ARHGAP42: variants seen among roughly 807,000 people sequenced by gnomAD.
ARHGAP42 encodes the protein Rho GTPase activating protein 42.
A neutral mutation model predicts 125.0 loss-of-function variants in ARHGAP42; 63 were observed. The ratio of observed to expected loss-of-function variants is 0.50; its 90% confidence interval spans 0.41 to 0.62. The LOEUF is 0.62. ARHGAP42 is among the 20% of genes least tolerant of loss of function. ARHGAP42 has a pLI of 0.00. For synonymous variants in ARHGAP42, 339 were observed against 351.0 expected (o/e 0.97, Z 0.38); for missense variants, 766 against 1,024.2 (o/e 0.75, Z 3.44).
intron 4 of ARHGAP42, among the ~76,000 whole-genome samples, chr11:100,882,731 CT>C (rs1209616905): frequency 1.3e-5 from 2 of 151,566 alleles, no homozygotes; most frequent in African/African-American, 4.8e-5. Context: ...TGGTCCTGGA[CT>C]TTTTTTTGTT....
chr11:100,747,741 A>C (rs1862337657), intron 1 of ARHGAP42, among the ~76,000 whole-genome samples: 1 of 152,210 alleles, frequency 6.6e-6, no homozygotes, highest in Non-Finnish European at 1.5e-5. Flanking sequence ...CACACCTTGC[A>C]CATAAACTGT....
chr11:100,948,677 T>C (rs75461538), intron 11 of ARHGAP42, 142 bp downstream of exon 11: 32,389 of 610,224 alleles, frequency 0.053, 1,551 homozygotes, highest in East Asian at 0.21. Flanking sequence ...GTAGAGACTT[T>C]TATGGTTTCC....
intron 3 of ARHGAP42, among the ~76,000 whole-genome samples, chr11:100,847,143 A>C (rs1865088392): frequency 6.6e-6 from 1 of 152,150 alleles, no homozygotes; most frequent in Admixed American, 6.5e-5. Flanking sequence ...AACAACCTCC[A>C]CCTGGCAATT....
intron 3 of ARHGAP42, among the ~76,000 whole-genome samples, chr11:100,818,399 C>T (rs1864322296): frequency 6.6e-6 from 1 of 152,062 alleles, no homozygotes; most frequent in Non-Finnish European, 1.5e-5. Flanking sequence ...GTGATGGGTG[C>T]TAGAAGAGGC....
chr11:100,933,099 C>T, intron 6 of ARHGAP42, 57 bp from the exon 7 acceptor site: 4 of 1,195,336 alleles, frequency 3.3e-6, no homozygotes, highest in East Asian at 2.6e-5. Context: ...TATTTTATAT[C>T]ATTAAATGAT....
rs971680970 is a variant in ARHGAP42, at chr11:100,976,387, G to A, written c.2186G>A (p.Gly729Glu). 9 of 1,545,936 alleles carry A rather than the reference G, an allele frequency of 5.8e-6. No individual in the cohort carries two copies. The highest frequency in any genetic ancestry group is 2.0e-5 in the Admixed American group (1 of 48,848). Residue 729 changes from glycine (G) to glutamate (E), a missense_variant, in exon 20 of 24, where the codon GGA (glycine) becomes GAA (glutamate). Gly to Glu is a moderately conservative substitution (Grantham distance 98, BLOSUM62 -2). Transcript: ENST00000298815. ...LVKKEPYGLS[G>E]LKRASASSLR... ...AAGAAAGAGCCTTATGGGCTTTCAG[G>A]ACTGAAAAGAGCTTCTGCTTCTTCT...
chr11:100,974,653 A>G (rs1328031606), intron 19 of ARHGAP42, 50 bp downstream of exon 19: 1 of 1,504,820 alleles, frequency 6.6e-7, no homozygotes, highest in Admixed American at 2.1e-5. Flanking sequence ...TTTGGTTCAG[A>G]TGTATTTCAC....
rs1433023992 is a variant in ARHGAP42 at position 100,990,881 on chromosome 11, C to A, written c.*2080C>A. ...GAGATTCAGAATCCTACTTCTCCTG[C>A]TGCTGCATAAAGAATCTCAACCTTC... is the stretch of plus-strand genomic sequence containing the variant. On this transcript the variant is annotated 3_prime_UTR_variant, in exon 24 of 24. Coordinates refer to ENST00000298815, the MANE Select transcript of ARHGAP42 (RefSeq NM_152432.4). The A allele has an allele frequency of 6.6e-6, 1 of 152,342 alleles. No homozygotes were observed. Among genetic ancestry groups the A allele is most frequent in the Non-Finnish European group, 1.5e-5 (1 of 68,026 alleles). 9.4% of individuals were successfully genotyped at this position (152,342 alleles called of 1,614,324 possible). A position where few individuals can be genotyped will look rare whatever the true frequency, so the allele number is the denominator to read the frequency against.
intron 4 of ARHGAP42, among the ~76,000 whole-genome samples, chr11:100,906,293 C>T (rs1045265751): frequency 2.0e-5 from 3 of 152,044 alleles, no homozygotes; most frequent in Non-Finnish European, 4.4e-5. Context: ...TTATTTTACC[C>T]TCAACCTGGA....
chr11:100,783,913 G>C (rs1863372369), intron 2 of ARHGAP42, among the ~76,000 whole-genome samples: 1 of 152,092 alleles, frequency 6.6e-6, no homozygotes. Flanking sequence ...TTGTATTCTT[G>C]TTATACTTAC....
chr11:100,915,443 T>C (rs585271), intron 5 of ARHGAP42, among the ~76,000 whole-genome samples: 32,972 of 151,986 alleles, frequency 0.22, 5,715 homozygotes, highest in African/African-American at 0.48. Context: ...TACAGGAAAA[T>C]TATGGGTGGT....
chr11:100,695,538 C>T (rs1198630792), intron 1 of ARHGAP42, among the ~76,000 whole-genome samples: 1 of 152,158 alleles, frequency 6.6e-6, no homozygotes, highest in Non-Finnish European at 1.5e-5. Flanking sequence ...CTCCTGACCT[C>T]AGGCAATCTA....
At chr11:100,944,723 A>G (rs1867972809) in intron 10 of ARHGAP42, among the ~76,000 whole-genome samples, 1 of 152,094 alleles carries the variant, frequency 6.6e-6, no homozygotes, top group African/African-American at 2.4e-5. Flanking sequence ...GTGCAATAGC[A>G]TTATGTGTAA....
At chr11:100,790,360 A>G (rs560804159) in intron 2 of ARHGAP42, among the ~76,000 whole-genome samples, 1 of 151,920 alleles carries the variant, frequency 6.6e-6, no homozygotes, top group East Asian at 1.9e-4. Context: ...TTTTGTTCTG[A>G]AAGTGTTTTT....
At chr11:100,911,986 T>A (rs905634198) in intron 4 of ARHGAP42, among the ~76,000 whole-genome samples, 2 of 152,202 alleles carry the variant, frequency 1.3e-5, no homozygotes, top group African/African-American at 4.8e-5. Flanking sequence ...TGATGTGAAC[T>A]CTTAAAGCAG....
chr11:100,704,444 G>A (rs545113335), intron 1 of ARHGAP42, among the ~76,000 whole-genome samples: 14 of 152,144 alleles, frequency 9.2e-5, no homozygotes, highest in African/African-American at 1.2e-4. Context: ...GGGAAAGTGC[G>A]TGAGAGTGAT....
intron 9 of ARHGAP42, among the ~76,000 whole-genome samples, chr11:100,942,996 G>C (rs185602774): frequency 6.6e-6 from 1 of 152,156 alleles, no homozygotes; most frequent in African/African-American, 2.4e-5. Flanking sequence ...CATACATTCT[G>C]TAAATGTTCC....
Position 100,965,653 on chromosome 11 carries a change from A to T in ARHGAP42, c.1445-18A>T. 4 of 1,544,302 alleles carry T rather than the reference A, an allele frequency of 2.6e-6. No homozygotes were observed. Among genetic ancestry groups the T allele is most frequent in the Non-Finnish European group, 3.5e-6 (4 of 1,141,936 alleles). On this transcript the variant is annotated intron_variant, in intron 16 of 23. Coordinates refer to ENST00000298815, the MANE Select transcript of ARHGAP42 (RefSeq NM_152432.4). ...TGGAATTAAAACTTGAGCATTTGCA[A>T]TCTTTTTTATGTAACAGAATCTGAT...
At chr11:100,692,022 A>G (rs1591109491) in intron 1 of ARHGAP42, among the ~76,000 whole-genome samples, 2 of 152,176 alleles carry the variant, frequency 1.3e-5, no homozygotes, top group African/African-American at 4.8e-5. Context: ...AGAAATAAAT[A>G]GCAAGAGTTA....
Sources: gnomAD v4.1 joint callset for allele counts (sites outside exome capture counted in the v4.1 genomes callset) on GRCh38, gnomAD v4.1.1 for gene constraint, MANE v1.5 for transcripts, NCBI Gene and HGNC (gene_info 2026-07-23, HGNC 2026-07-21) for gene names.